Variants in TAOK1 observed in about 807,000 individuals in gnomAD.
TAOK1 encodes serine/threonine-protein kinase TAO1.
Under a neutral mutation model 138.3 loss-of-function variants are expected in TAOK1, and 21 were observed. That is an observed-to-expected ratio of 0.15 (90% CI 0.11 to 0.22). The LOEUF (loss-of-function observed/expected upper bound fraction) is 0.22, where lower values mean the gene tolerates loss of function less well. Ranked by LOEUF, TAOK1 falls within the 10% of genes least tolerant of loss-of-function variation. The probability of loss-of-function intolerance (pLI) is 1.00; values close to 1 mark genes in which losing one functional copy is unlikely to be tolerated. For synonymous variants in TAOK1, 361 were observed against 398.4 expected (o/e 0.91, Z 1.12); for missense variants, 651 against 1,227.7 (o/e 0.53, Z 7.02).
chr17:29,469,791 A>T (rs1363298496), intron 3 of TAOK1, among the ~76,000 whole-genome samples: 1 of 152,202 alleles, frequency 6.6e-6, no homozygotes, highest in Non-Finnish European at 1.5e-5. Context: ...GGCGTCCTTC[A>T]TGAAAATTTT....
At position 29,515,438 on chromosome 17, in the gene TAOK1, C is replaced by T. The variant is rs974249860; in HGVS notation, c.1705-2015C>T. On this transcript the variant is annotated intron_variant, in intron 15 of 19. Coordinates refer to ENST00000261716, the MANE Select transcript of TAOK1 (RefSeq NM_020791.4). Reference sequence around the variant, plus strand: ...TTTATTAACCAATCATTGTGTACTTCGAAGTTAGGAACCATCAGAAACGTA... The same window carrying T: ...TTTATTAACCAATCATTGTGTACTTTGAAGTTAGGAACCATCAGAAACGTA... Among the ~76,000 whole-genome samples, 21 of 152,096 alleles carry T rather than the reference C, an allele frequency of 1.4e-4. No individual in the cohort carries two copies. In the South Asian group the frequency reaches 1.4e-3, roughly 10 times the overall value.
chr17:29,438,465 A>G (rs1008186061), intron 1 of TAOK1, among the ~76,000 whole-genome samples: 2 of 152,156 alleles, frequency 1.3e-5, no homozygotes, highest in Non-Finnish European at 2.9e-5. Context: ...CGGGCGGACC[A>G]CGTGAGCTCA....
chr17:29,420,821 G>GATCC (rs978665927), intron 1 of TAOK1, among the ~76,000 whole-genome samples: 1 of 152,022 alleles, frequency 6.6e-6, no homozygotes, highest in Non-Finnish European at 1.5e-5. Flanking sequence ...CTGACCTCAT[G>GATCC]ATCCGCCTGC....
intron 1 of TAOK1, among the ~76,000 whole-genome samples, chr17:29,432,318 T>C (rs1647359394): frequency 1.3e-5 from 2 of 152,316 alleles, no homozygotes; most frequent in African/African-American, 4.8e-5. Context: ...TCACTCATGG[T>C]ATTGTTTGTG....
At chr17:29,422,977 A>G (rs1905501219) in intron 1 of TAOK1, among the ~76,000 whole-genome samples, 1 of 152,104 alleles carries the variant, frequency 6.6e-6, no homozygotes, top group African/African-American at 2.4e-5. Context: ...GTGAGTTGAG[A>G]TCGCCTCATT....
rs1297029373 is a variant in TAOK1 at position 29,530,502 on chromosome 17, A to C, written c.2244A>C (p.Thr748=). The C allele has an allele frequency of 6.2e-7, 1 of 1,614,074 alleles. No homozygotes were observed. Among genetic ancestry groups the C allele is most frequent in the Non-Finnish European group, 8.5e-7 (1 of 1,180,044 alleles). The stretch of plus-strand genomic sequence containing the variant: ...TAAGAAATCACCTGCTGGAGACTAC[A>C]CCAAAGAGTGAGCACAAAGCTGTTC... ...KALRNHLLET[T]PKSEHKAVLK... The change falls in exon 18 of 20, where the codon ACA becomes ACC. Residue 748 remains threonine (T), a synonymous_variant. Transcript: ENST00000261716.
chr17:29,394,200 C>T (rs1269105862), intron 1 of TAOK1, among the ~76,000 whole-genome samples: 2 of 102,080 alleles, frequency 2.0e-5, no homozygotes, highest in Non-Finnish European at 3.5e-5. Context: ...GAGTCTTGCT[C>T]TGTCGCCCAG....
At chr17:29,465,012 G>A (rs927499592) in intron 2 of TAOK1, among the ~76,000 whole-genome samples, 11 of 151,176 alleles carry the variant, frequency 7.3e-5, no homozygotes, top group Admixed American at 5.3e-4. Flanking sequence ...GTAGAGACGG[G>A]GTTTCACCAA....
At chr17:29,428,738 C>T (rs968286521) in intron 1 of TAOK1, among the ~76,000 whole-genome samples, 2 of 151,984 alleles carry the variant, frequency 1.3e-5, no homozygotes, top group African/African-American at 4.8e-5. Context: ...ATCCTCCCAC[C>T]TCAGCCTCCC....
chr17:29,403,230 T>C (rs1183147270), intron 1 of TAOK1, among the ~76,000 whole-genome samples: 1 of 151,856 alleles, frequency 6.6e-6, no homozygotes, highest in Non-Finnish European at 1.5e-5. Context: ...TATTTATGTT[T>C]TAGTTGATGT....
intron 1 of TAOK1, among the ~76,000 whole-genome samples, chr17:29,438,985 A>G (rs920126670): frequency 3.3e-5 from 5 of 152,268 alleles, no homozygotes; most frequent in Middle Eastern, 6.8e-3. Flanking sequence ...ATTGCCCTAT[A>G]ACATATATTG....
At chr17:29,505,499 C>T (rs1399008221) in intron 13 of TAOK1, among the ~76,000 whole-genome samples, 3 of 152,062 alleles carry the variant, frequency 2.0e-5, no homozygotes, top group African/African-American at 7.2e-5. Context: ...GTCAGGAGTT[C>T]GAGACCAGCC....
chr17:29,520,899 C>T lies in TAOK1; in HGVS notation c.1909-1381C>T, dbSNP rs537567945. Among the ~76,000 whole-genome samples, 823 of 151,966 alleles carry T rather than the reference C, an allele frequency of 5.4e-3. 8 individuals are homozygous for T. Among genetic ancestry groups the T allele is most frequent in the African/African-American group, 0.019 (784 of 41,466 alleles). On this transcript the variant is annotated intron_variant, in intron 16 of 19. Transcript: ENST00000261716. ...ATTAGCCAGGCGTGGTGGCACATGC[C>T]TGTAGTCCCAGCTACTCGGGAGGCT...
In TAOK1 at chr17:29,478,302, C is replaced by T; in HGVS notation, c.404C>T (p.Ala135Val). 1 of 1,602,710 alleles carries T rather than the reference C, an allele frequency of 6.2e-7. No homozygotes were observed. Among genetic ancestry groups the T allele is most frequent in the Non-Finnish European group, 8.5e-7 (1 of 1,175,748 alleles). ...EVEIAAITHG[A>V]LQGLAYLHSH... The stretch of plus-strand genomic sequence containing the variant: ...GAAATAGCAGCAATTACACATGGTG[C>T]TCTTCAGGGATTAGCCTACTTACAT... Residue 135 changes from alanine (A) to valine (V), a missense_variant, in exon 6 of 20, where the codon GCT (alanine) becomes GTT (valine). Coordinates refer to ENST00000261716, the MANE Select transcript of TAOK1 (RefSeq NM_020791.4).
chr17:29,405,956 G>T (rs1011821852), intron 1 of TAOK1, among the ~76,000 whole-genome samples: 4 of 152,104 alleles, frequency 2.6e-5, no homozygotes, highest in Admixed American at 1.3e-4. Context: ...TTTTTGGTGT[G>T]TTATTTTGTA....
intron 1 of TAOK1, among the ~76,000 whole-genome samples, chr17:29,417,549 G>T (rs933854157): frequency 2.0e-5 from 3 of 152,092 alleles, no homozygotes; most frequent in Admixed American, 6.6e-5. Flanking sequence ...TGAAATCAAG[G>T]GTCACCATTG....
intron 16 of TAOK1, among the ~76,000 whole-genome samples, chr17:29,519,709 C>T (rs748708517): frequency 2.0e-5 from 3 of 151,988 alleles, no homozygotes; most frequent in Non-Finnish European, 4.4e-5. Context: ...TACAATCAAT[C>T]CTAGTAATAG....
At chr17:29,520,507 G>A (rs1181798185) in intron 16 of TAOK1, among the ~76,000 whole-genome samples, 3 of 150,818 alleles carry the variant, frequency 2.0e-5, no homozygotes, top group Non-Finnish European at 4.4e-5. Context: ...TTTGCCTCCT[G>A]GGTTCAAGCC....
intron 1 of TAOK1, among the ~76,000 whole-genome samples, chr17:29,411,575 T>C (rs2153021009): frequency 6.6e-6 from 1 of 151,530 alleles, no homozygotes; most frequent in South Asian, 2.1e-4. Flanking sequence ...TTTTTTGTGG[T>C]AGCGATGGTG....
Sources: gnomAD v4.1 joint callset for allele counts (sites outside exome capture counted in the v4.1 genomes callset) on GRCh38, gnomAD v4.1.1 for gene constraint, MANE v1.5 for transcripts, NCBI Gene and HGNC (gene_info 2026-07-23, HGNC 2026-07-21) for gene names.